Variants in SYT3 observed in about 807,000 individuals in gnomAD.
SYT3 encodes the protein synaptotagmin 3.
SYT3 carries 25 observed loss-of-function variants against 50.6 expected under a neutral mutation model. That is an observed-to-expected ratio of 0.49 (90% CI 0.36 to 0.69). The LOEUF (loss-of-function observed/expected upper bound fraction) is 0.69, where lower values mean the gene tolerates loss of function less well. Ranked by LOEUF, SYT3 falls within the 30% of genes least tolerant of loss-of-function variation. The probability of loss-of-function intolerance (pLI) is 0.00; values close to 1 mark genes in which losing one functional copy is unlikely to be tolerated. For synonymous variants in SYT3, 323 were observed against 353.9 expected, an observed-to-expected ratio of 0.91 and a Z score of 0.98; for missense variants, 589 against 793.6, an observed-to-expected ratio of 0.74 and a Z score of 3.10.
At position 50,637,220 on chromosome 19, in the gene SYT3, A is replaced by G. The variant is rs1395036430; in HGVS notation, c.148+44T>C. 4 of 1,599,582 alleles carry G rather than the reference A, an allele frequency of 2.5e-6. No homozygotes were observed. Among genetic ancestry groups the G allele is most frequent in the South Asian group, 1.1e-5 (1 of 90,704 alleles). ...CAGTTCTGCTCCGAGTCTCCTGGCC[A>G]TAGTGCAAGCAGGGGGCTGGCCAAG... On this transcript the variant is annotated intron_variant, in intron 3 of 10. Coordinates refer to ENST00000600079, the MANE Select transcript of SYT3 (RefSeq NM_001160329.2). This position sits in a 1 kb window ranked among gnomAD's most constrained non-coding sequence, Gnocchi z 4.9.
chr19:50,652,784 C>T, the SYT3 span, among the ~76,000 whole-genome samples: 1 of 152,066 alleles, frequency 6.6e-6, no homozygotes, highest in Non-Finnish European at 1.5e-5. Flanking sequence ...AAAATCCTGC[C>T]TTGCTGGGGT....
the SYT3 span, among the ~76,000 whole-genome samples, chr19:50,651,443 C>T: frequency 6.6e-6 from 1 of 152,170 alleles, no homozygotes; most frequent in Non-Finnish European, 1.5e-5. Context: ...TTTCCCTCCA[C>T]CTTGTAACAC....
At chr19:50,641,020 A>G (rs1984659057), upstream of SYT3, among the ~76,000 whole-genome samples, 1 of 152,110 alleles carries the variant, frequency 6.6e-6, no homozygotes, top group East Asian at 1.9e-4. Context: ...GGAGTTTGAG[A>G]CTATCCTGGA....
At chr19:50,624,131 T>G (rs577646088) in intron 9 of SYT3, among the ~76,000 whole-genome samples, 16 of 152,170 alleles carry the variant, frequency 1.1e-4, no homozygotes, top group African/African-American at 2.6e-4. Flanking sequence ...CCTAGCTAAT[T>G]CCTAAATTAT....
At chr19:50,650,905 G>A in the SYT3 span, among the ~76,000 whole-genome samples, 2 of 152,234 alleles carry the variant, frequency 1.3e-5, no homozygotes, top group Non-Finnish European at 2.9e-5. Flanking sequence ...AGGCACCCAC[G>A]TGACATGTAA....
At chr19:50,626,267 G>A in intron 6 of SYT3, 1 of 447,782 alleles carries the variant, frequency 2.2e-6, no homozygotes, top group Non-Finnish European at 4.0e-6. Context: ...GAGAGAGGAG[G>A]GGAGAGACAG....
chr19:50,625,183 C>T lies in SYT3; in HGVS notation c.1686G>A (p.Glu562=). The part of the protein sequence containing the change: ...EMLANPRKPV[E]HWHQLVEEKT... ...TCACCTCCACTAGCTGATGCCAGTGCTCCACGGGCTTGCGGGGATTGGCCA... is the reference window on the plus strand; with the variant it reads ...TCACCTCCACTAGCTGATGCCAGTGTTCCACGGGCTTGCGGGGATTGGCCA... Residue 562 remains glutamate (E), a synonymous_variant, in exon 9 of 11, where the codon GAG becomes GAA. Transcript: ENST00000600079. This position sits in a 1 kb window ranked among gnomAD's most constrained non-coding sequence, Gnocchi z 7.5. 1 of 1,601,860 alleles carries T rather than the reference C, an allele frequency of 6.2e-7. No individual in the cohort carries two copies. The highest frequency in any genetic ancestry group is 8.5e-7 in the Non-Finnish European group (1 of 1,177,600).
the SYT3 span, among the ~76,000 whole-genome samples, chr19:50,656,646 A>G: frequency 6.6e-6 from 1 of 152,102 alleles, no homozygotes; most frequent in Non-Finnish European, 1.5e-5. Flanking sequence ...AAATATAACA[A>G]AAACTCAAGA....
chr19:50,649,642 G>T, the SYT3 span: 1 of 1,025,370 alleles, frequency 9.8e-7, no homozygotes, highest in Non-Finnish European at 1.5e-6. Flanking sequence ...TAGCATTCCT[G>T]GATTCACCAG....
Position 50,625,794 on chromosome 19 carries a change from CT to C in SYT3, c.1402+102del, listed in dbSNP as rs59948874. 6.8e-3 allele frequency: 1,513 copies of C among 222,134 alleles called. 623 individuals carry two copies. Among genetic ancestry groups the C allele is most frequent in the Non-Finnish European group, 9.0e-3 (1,074 of 119,592 alleles). The allele number at this position is 222,134 out of a possible 1,614,324, so 13.8% of individuals were successfully genotyped here. A position where few individuals can be genotyped will look rare whatever the true frequency, so the allele number is the denominator to read the frequency against. On this transcript the variant is annotated intron_variant, in intron 7 of 10. Transcript: ENST00000600079. This position sits in a 1 kb window ranked among gnomAD's most constrained non-coding sequence, Gnocchi z 7.5. Reference sequence around the variant, plus strand: ...CAGACCCAGGAGTCCAGATCCCCAGCTCCTCCTCCCTCAGACCCAGGAGTCC... The same window carrying C: ...CAGACCCAGGAGTCCAGATCCCCAGCCCTCCTCCCTCAGACCCAGGAGTCC...
chr19:50,630,244 G>C, intron 4 of SYT3, 73 bp from the exon 5 acceptor site: 1 of 1,403,416 alleles, frequency 7.1e-7, no homozygotes, highest in Non-Finnish European at 9.4e-7. Flanking sequence ...AGACCTGGGA[G>C]ACTCCTCCCT....
Position 50,628,057 on chromosome 19 carries a change from C to T in SYT3, c.1281+1237G>A, listed in dbSNP as rs188949569. 8.5e-5 allele frequency among the ~76,000 whole-genome samples: 13 copies of T among 152,158 alleles called. No individual in the cohort carries two copies. The East Asian group carries it at 2.5e-3, about 30-fold the overall frequency. ...CCCAAAAAGCCTACCTGGCACCCAG[C>T]TCAACTGGACATCTGTCATTGAACA... is the stretch of plus-strand genomic sequence containing the variant. On this transcript the variant is annotated intron_variant, in intron 6 of 10. Coordinates refer to ENST00000600079, the MANE Select transcript of SYT3 (RefSeq NM_001160329.2).
At chr19:50,649,732 T>G in the SYT3 span, 1 of 663,984 alleles carries the variant, frequency 1.5e-6, no homozygotes, top group Non-Finnish European at 2.8e-6. Flanking sequence ...TGCCCTGGAC[T>G]CAGAACTACA....
At chr19:50,643,753 C>CT (rs554991647), upstream of SYT3, among the ~76,000 whole-genome samples, 195 of 151,832 alleles carry the variant, frequency 1.3e-3, no homozygotes, top group African/African-American at 4.4e-3. Flanking sequence ...ACAAAATAGA[C>CT]TAAAATTCCA....
chr19:50,649,207 G>T, the SYT3 span, among the ~76,000 whole-genome samples: 12 of 151,942 alleles, frequency 7.9e-5, no homozygotes, highest in African/African-American at 2.9e-4. Context: ...GACAGAGAGA[G>T]ATAGGAGGAA....
At chr19:50,650,265 C>G in the SYT3 span, among the ~76,000 whole-genome samples, 2 of 152,166 alleles carry the variant, frequency 1.3e-5, no homozygotes, top group Admixed American at 6.5e-5. Flanking sequence ...GGCTCCTAGC[C>G]CAGCACTTCC....
the SYT3 span, chr19:50,655,961 G>A: frequency 8.0e-7 from 1 of 1,253,196 alleles, no homozygotes; most frequent in South Asian, 1.3e-5. Context: ...TCTGGGTGTG[G>A]CATGGGCAAG....
At chr19:50,624,829 G>T in intron 9 of SYT3, 1 of 217,926 alleles carries the variant, frequency 4.6e-6, no homozygotes. Context: ...TGGGATTACA[G>T]GCGTGAGCCA....
chr19:50,649,358 G>T, the SYT3 span: 1 of 1,298,474 alleles, frequency 7.7e-7, no homozygotes, highest in Non-Finnish European at 1.1e-6. Flanking sequence ...AGAGGAGGCA[G>T]CGGTGGGGAG....
Sources: gnomAD v4.1 joint callset for allele counts (sites outside exome capture counted in the v4.1 genomes callset) on GRCh38, gnomAD v4.1.1 for gene constraint, Gnocchi (gnomAD v3.1) non-coding constraint, MANE v1.5 for transcripts, NCBI Gene and HGNC (gene_info 2026-07-23, HGNC 2026-07-21) for gene names.